The following TASP1 variants were observed in gnomAD, a reference collection of about 807,000 sequenced individuals.
TASP1 encodes the protein taspase 1, also known as threonine aspartase 1.
A neutral mutation model predicts 56.6 loss-of-function variants in TASP1; 16 were observed. The observed-to-expected ratio is 0.28, with a 90% CI of 0.19 to 0.43. The LOEUF is 0.43. Ranked by LOEUF, TASP1 falls within the 20% of genes least tolerant of loss-of-function variation. The pLI is 1.00. For synonymous variants in TASP1, 179 were observed against 184.2 expected (o/e 0.97, Z 0.23); for missense variants, 393 against 511.6 (o/e 0.77, Z 2.24).
At chr20:13,288,042 A>G in the TASP1 span, among the ~76,000 whole-genome samples, 1 of 152,308 alleles carries the variant, frequency 6.6e-6, no homozygotes, top group South Asian at 2.1e-4. Context: ...GTGATGTCCC[A>G]TAATTCACAG....
the TASP1 span, among the ~76,000 whole-genome samples, chr20:13,225,844 TTTAA>T: frequency 6.6e-6 from 1 of 152,158 alleles, no homozygotes; most frequent in Non-Finnish European, 1.5e-5. Context: ...TTCACATATA[TTTAA>T]TTAATGTTAA....
chr20:13,173,107 C>T, the TASP1 span, among the ~76,000 whole-genome samples: 17 of 152,148 alleles, frequency 1.1e-4, no homozygotes, highest in Admixed American at 3.9e-4. Flanking sequence ...AAGAGGGCTC[C>T]CTTTACCCTG....
intron 12 of TASP1, among the ~76,000 whole-genome samples, chr20:13,427,149 G>C (rs529149014): frequency 5.3e-5 from 8 of 152,192 alleles, no homozygotes; most frequent in Admixed American, 4.6e-4. Flanking sequence ...CTCCTTTGAA[G>C]TACATGTGTT....
the TASP1 span, among the ~76,000 whole-genome samples, chr20:13,266,022 A>G: frequency 7.2e-4 from 109 of 152,292 alleles, 1 homozygote; most frequent in African/African-American, 2.5e-3. Flanking sequence ...GACAAAGTGG[A>G]AGAGAGAAAG....
At chr20:13,322,739 G>A in the TASP1 span, among the ~76,000 whole-genome samples, 1 of 152,304 alleles carries the variant, frequency 6.6e-6, no homozygotes, top group East Asian at 1.9e-4. Context: ...GGTGGAATAT[G>A]TGATCTTTAT....
At chr20:13,108,053 C>T in the TASP1 span, among the ~76,000 whole-genome samples, 1 of 152,066 alleles carries the variant, frequency 6.6e-6, no homozygotes, top group Non-Finnish European at 1.5e-5. Context: ...ATGTCACATG[C>T]TTTTTCTGAA....
intron 10 of TASP1, among the ~76,000 whole-genome samples, chr20:13,489,086 T>C (rs1197859949): frequency 6.6e-6 from 1 of 152,086 alleles, no homozygotes; most frequent in Non-Finnish European, 1.5e-5. Flanking sequence ...TTATAGGTCA[T>C]ACCTGCATCA....
At chr20:13,470,726 T>C (rs1357498906) in intron 11 of TASP1, among the ~76,000 whole-genome samples, 1 of 152,182 alleles carries the variant, frequency 6.6e-6, no homozygotes, top group Non-Finnish European at 1.5e-5. Flanking sequence ...ATTTGGAGTC[T>C]AAACCATCTA....
At chr20:13,610,265 T>C (rs1334875208) in intron 4 of TASP1, among the ~76,000 whole-genome samples, 1 of 152,232 alleles carries the variant, frequency 6.6e-6, no homozygotes, top group Non-Finnish European at 1.5e-5. Context: ...ATTCTAAGAA[T>C]TTCACTTCAA....
At chr20:13,479,463 CTTT>C (rs777068211) in intron 11 of TASP1, among the ~76,000 whole-genome samples, 2 of 141,742 alleles carry the variant, frequency 1.4e-5, no homozygotes, top group African/African-American at 2.6e-5. Context: ...TGATTTACAA[CTTT>C]TTTTTTTTTT....
At chr20:13,344,491 G>T in the TASP1 span, among the ~76,000 whole-genome samples, 6 of 152,184 alleles carry the variant, frequency 3.9e-5, no homozygotes, top group Non-Finnish European at 8.8e-5. Flanking sequence ...TCATGGGAAA[G>T]AGAGCTAAAA....
intron 10 of TASP1, among the ~76,000 whole-genome samples, chr20:13,494,952 G>GAA (rs59891882): frequency 1.4e-5 from 2 of 144,164 alleles, no homozygotes; most frequent in African/African-American, 5.1e-5. Context: ...TCATGAGCCA[G>GAA]AAAAAAAAAA....
At chr20:13,316,119 C>A in the TASP1 span, among the ~76,000 whole-genome samples, 11 of 151,848 alleles carry the variant, frequency 7.2e-5, no homozygotes, top group Admixed American at 4.6e-4. Flanking sequence ...GATATCACTA[C>A]AGATATCATG....
chr20:13,233,757 TCTC>T, the TASP1 span, among the ~76,000 whole-genome samples: 5 of 152,258 alleles, frequency 3.3e-5, no homozygotes, highest in East Asian at 9.7e-4. Flanking sequence ...ATACTGTCCT[TCTC>T]TTACACATAA....
At chr20:13,616,677 T>C (rs1339029882) in intron 4 of TASP1, among the ~76,000 whole-genome samples, 1 of 151,784 alleles carries the variant, frequency 6.6e-6, no homozygotes, top group East Asian at 1.9e-4. Context: ...AAGAAATCAC[T>C]GCTTTTCCAT....
the TASP1 span, among the ~76,000 whole-genome samples, chr20:13,361,068 C>T: frequency 8.3e-4 from 126 of 152,218 alleles, no homozygotes; most frequent in African/African-American, 2.8e-3. Flanking sequence ...AATAACTTCT[C>T]AGTGTTCCAT....
chr20:13,131,110 C>A, the TASP1 span, among the ~76,000 whole-genome samples: 3 of 133,476 alleles, frequency 2.2e-5, no homozygotes, highest in Non-Finnish European at 3.2e-5. Flanking sequence ...GAAGGTGAGC[C>A]CCAAACCACA....
At chr20:13,170,257 T>C in the TASP1 span, among the ~76,000 whole-genome samples, 1 of 152,220 alleles carries the variant, frequency 6.6e-6, no homozygotes. Context: ...AAGACTTTGA[T>C]GGTAGATTGT....
chr20:13,390,052 T>C lies in TASP1; in HGVS notation c.*308A>G, dbSNP rs2041214117. 1.2e-5 allele frequency: 3 copies of C among 247,276 alleles called. No individual in the cohort carries two copies. Among genetic ancestry groups the C allele is most frequent in the South Asian group, 1.2e-4 (2 of 16,882 alleles). 15.3% of individuals were successfully genotyped at this position (247,276 alleles called of 1,614,324 possible). ...AGTTAAAGCACACATTTTGTAAAGATGATTTAACCATTCCTGGTCACACAA... is the reference window on the plus strand; with the variant it reads ...AGTTAAAGCACACATTTTGTAAAGACGATTTAACCATTCCTGGTCACACAA... On this transcript the variant is annotated 3_prime_UTR_variant, in exon 14 of 14. Coordinates refer to ENST00000337743, the MANE Select transcript of TASP1 (RefSeq NM_017714.3).
Sources: gnomAD v4.1 joint callset for allele counts (sites outside exome capture counted in the v4.1 genomes callset) on GRCh38, gnomAD v4.1.1 for gene constraint, MANE v1.5 for transcripts, NCBI Gene and HGNC (gene_info 2026-07-23, HGNC 2026-07-21) for gene names.